The following GCC1 variants were observed in gnomAD, a reference collection of about 807,000 sequenced individuals.
The protein encoded by GCC1 is GRIP and coiled-coil domain containing 1.
A neutral mutation model predicts 62.5 loss-of-function variants in GCC1; 36 were observed. The ratio of observed to expected loss-of-function variants is 0.58; its 90% CI spans 0.44 to 0.76. The LOEUF is 0.76. Ranked by LOEUF, GCC1 falls within the 30% of genes least tolerant of loss-of-function variation. GCC1 has a pLI of 0.00. For synonymous variants in GCC1, 391 were observed against 386.8 expected, an observed-to-expected ratio of 1.01 and a Z score of -0.13; for missense variants, 885 against 948.3, an observed-to-expected ratio of 0.93 and a Z score of 0.88.
chr7:127,584,281 T>C lies in GCC1; in HGVS notation c.902A>G (p.Glu301Gly). Residue 301 changes from glutamate to glycine, a missense_variant, in exon 1 of 2, where the codon GAG becomes GGG. Coordinates refer to ENST00000321407, the MANE Select transcript of GCC1 (RefSeq NM_024523.6). The stretch of plus-strand genomic sequence containing the variant: ...AATGGCCTGCAGTTCACTTTTCAGC[T>C]CCTCCACCTCACGGGTCAGCTGCTT... ...QTKQLTREVE[E>G]LKSELQAIRD... is the part of the protein sequence containing the mutation. 6.2e-7 allele frequency: 1 copy of C among 1,613,508 alleles called. No individual in the cohort carries two copies. Among genetic ancestry groups the C allele is most frequent in the African/African-American group, 1.3e-5 (1 of 74,822 alleles).
At position 127,584,818 on chromosome 7, in the gene GCC1, G is replaced by A. The variant is rs35322201; in HGVS notation, c.365C>T (p.Ala122Val). ...GEFGVEDDRP[A>V]RGPPPPKSEE... is the part of the protein sequence containing the mutation. ...GGACTTTGGAGGTGGTGGTCCACGG[G>A]CCGGTCTGTCATCTTCTACCCCAAA... is the stretch of plus-strand genomic sequence containing the variant. Residue 122 changes from alanine (A) to valine (V), a missense_variant, in exon 1 of 2, where the codon GCC becomes GTC. Coordinates refer to ENST00000321407, the MANE Select transcript of GCC1 (RefSeq NM_024523.6). The A allele has an allele frequency of 0.024, 39,537 of 1,614,146 alleles. 583 individuals are homozygous for A. The highest frequency in any genetic ancestry group is 0.029 in the Non-Finnish European group (34,092 of 1,180,024).
Position 127,583,051 on chromosome 7 carries a change from C to T in GCC1, c.1291G>A (p.Val431Ile), listed in dbSNP as rs999001094. Reference sequence around the variant, plus strand: ...AGCTTCTCCATCTTATCTTTCAGGACATTGACATCCAGACTGGACTCCTCT... The same window carrying T: ...AGCTTCTCCATCTTATCTTTCAGGATATTGACATCCAGACTGGACTCCTCT... ...HGEESSLDVN[V>I]LKDKMEKLKR... Residue 431 changes from valine (V) to isoleucine (I), a missense_variant, in exon 2 of 2, where the codon GTC (valine) becomes ATC (isoleucine). Transcript: ENST00000321407. The T allele has an allele frequency of 3.7e-6, 6 of 1,614,042 alleles. No homozygotes were observed. In the African/African-American group the frequency reaches 8.0e-5, roughly 22 times the overall value.
In GCC1 at chr7:127,582,927, T is replaced by A. The variant is rs1794155728; in HGVS notation, c.1415A>T (p.Asp472Val). 2 of 1,614,166 alleles carry A rather than the reference T, an allele frequency of 1.2e-6. No homozygotes were observed. The highest frequency in any genetic ancestry group is 1.7e-6 in the Non-Finnish European group (2 of 1,180,024). Residue 472 changes from aspartate (D) to valine (V), a missense_variant, in exon 2 of 2, where the codon GAT (aspartate) becomes GTT (valine). Physicochemically the swap from Asp to Val is radical, Grantham distance 152. Coordinates refer to ENST00000321407, the MANE Select transcript of GCC1 (RefSeq NM_024523.6). The surrounding 1 kb of genome is among the most constrained non-coding windows in gnomAD (Gnocchi z 4.8). ...ATAGAGTGCAGTAGCCTTCTCCCCA[T>A]CAGCAGCCTCCGAGCTGGGCATTAT... ...LEIMPSSEAA[D>V]GEKATALYYQ... is the part of the protein sequence containing the mutation.
chr7:127,584,547 C>A lies in GCC1; in HGVS notation c.636G>T (p.Glu212Asp), dbSNP rs1179622556. The A allele has an allele frequency of 2.5e-6, 4 of 1,614,152 alleles. No individual in the cohort carries two copies. Among genetic ancestry groups the A allele is most frequent in the Non-Finnish European group, 1.7e-6 (2 of 1,180,036 alleles). The change falls in exon 1 of 2, where the codon GAG (glutamate) becomes GAT (aspartate). Residue 212 changes from glutamate to aspartate, a missense_variant. Glu to Asp is a conservative substitution (Grantham distance 45, BLOSUM62 2). Transcript: ENST00000321407. ...GCTCCTGCAGCCCCTTCAATTCTCC[C>A]TCCAGGCGGGCCCTCTCCTCCTCCG... Reference protein sequence around the residue: ...NKAEEERARLEGELKGLQEQI... With the variant: ...NKAEEERARLDGELKGLQEQI...
chr7:127,582,115 G>C lies in GCC1; in HGVS notation c.2227C>G (p.Leu743Val). Reference protein sequence around the residue: ...LPDSLGRQQTLTAILTILHFS... With the variant: ...LPDSLGRQQTVTAILTILHFS... ...TGCAAGATAGTCAGTATGGCTGTGAGAGTCTGCTGGCGGCCCAGGGAGTCA... is the reference window on the plus strand; with the variant it reads ...TGCAAGATAGTCAGTATGGCTGTGACAGTCTGCTGGCGGCCCAGGGAGTCA... Residue 743 changes from leucine to valine, a missense_variant, in exon 2 of 2, where the codon CTC becomes GTC. By Grantham distance (32) the Leu-to-Val change is conservative (BLOSUM62 1). Transcript: ENST00000321407. This position sits in a 1 kb window ranked among gnomAD's most constrained non-coding sequence, Gnocchi z 4.8. The C allele has an allele frequency of 6.2e-7, 1 of 1,614,212 alleles. No homozygotes were observed. The highest frequency in any genetic ancestry group is 8.5e-7 in the Non-Finnish European group (1 of 1,180,026).
In GCC1 at chr7:127,582,106, T is replaced by A. The variant is rs755003738; in HGVS notation, c.2236A>T (p.Ile746Leu). 1 of 1,614,222 alleles carries A rather than the reference T, an allele frequency of 6.2e-7. No individual in the cohort carries two copies. Residue 746 changes from isoleucine to leucine, a missense_variant, in exon 2 of 2, where the codon ATA (isoleucine) becomes TTA (leucine). Transcript: ENST00000321407. This position sits in a 1 kb window ranked among gnomAD's most constrained non-coding sequence, Gnocchi z 4.8. ...GGACTGAAGTGCAAGATAGTCAGTA[T>A]GGCTGTGAGAGTCTGCTGGCGGCCC... ...SLGRQQTLTA[I>L]LTILHFSPEE...
chr7:127,584,865 A>G lies in GCC1; in HGVS notation c.318T>C (p.Ser106=). ...CAAACTCACCCTTGGTGCTGGTGAG[A>G]CTGGCCGCAGTATCCAAGCTAGTGG... ...GTATSLDTAA[S]LTSTKGEFGV... is the part of the protein sequence containing the mutation. Residue 106 remains serine (S), a synonymous_variant, in exon 1 of 2, where the codon AGT becomes AGC. Transcript: ENST00000321407. The G allele has an allele frequency of 6.2e-7, 1 of 1,614,086 alleles. No individual in the cohort carries two copies. The highest frequency in any genetic ancestry group is 2.2e-5 in the East Asian group (1 of 44,872).
Position 127,584,232 on chromosome 7 carries a change from A to T in GCC1, c.951T>A (p.Asp317Glu), listed in dbSNP as rs3735642. 6.2e-7 allele frequency: 1 copy of T among 1,612,980 alleles called. No individual in the cohort carries two copies. The highest frequency in any genetic ancestry group is 8.5e-7 in the Non-Finnish European group (1 of 1,179,814). Residue 317 changes from aspartate (D) to glutamate (E), a missense_variant, in exon 1 of 2, where the codon GAT becomes GAA. Physicochemically the swap from Asp to Glu is conservative, Grantham distance 45 (BLOSUM62 2). Coordinates refer to ENST00000321407, the MANE Select transcript of GCC1 (RefSeq NM_024523.6). ...CTTCCTGAAGTTCTTGCAGCCGGGG[A>T]TCTGGCTGATTCTTCTCATCTCGAA... ...QAIRDEKNQPDPRLQELQEEA... is the reference protein window; with the variant it reads ...QAIRDEKNQPEPRLQELQEEA...
chr7:127,584,329 A>G lies in GCC1; in HGVS notation c.854T>C (p.Met285Thr). 1 of 1,613,316 alleles carries G rather than the reference A, an allele frequency of 6.2e-7. No individual in the cohort carries two copies. Among genetic ancestry groups the G allele is most frequent in the Non-Finnish European group, 8.5e-7 (1 of 1,179,834 alleles). Residue 285 changes from methionine to threonine, a missense_variant, in exon 1 of 2, where the codon ATG becomes ACG. Transcript: ENST00000321407. ...LAGRAYAAEQ[M>T]EGFELQTKQL... Reference sequence around the variant, plus strand: ...CTTGGTCTGCAGTTCAAATCCTTCCATCTGTTCAGCTGCATATGCTCGTCC... The same window carrying G: ...CTTGGTCTGCAGTTCAAATCCTTCCGTCTGTTCAGCTGCATATGCTCGTCC...
At position 127,584,783 on chromosome 7, in the gene GCC1, T is replaced by C; in HGVS notation, c.400A>G (p.Ser134Gly). 1 of 1,614,206 alleles carries C rather than the reference T, an allele frequency of 6.2e-7. No homozygotes were observed. The highest frequency in any genetic ancestry group is 2.2e-5 in the East Asian group (1 of 44,886). The change falls in exon 1 of 2, where the codon AGT (serine) becomes GGT (glycine). Residue 134 changes from serine (S) to glycine (G), a missense_variant. Ser to Gly is a moderately conservative substitution (Grantham distance 56). Transcript: ENST00000321407. ...GPPPPKSEEA[S>G]WSESGVSSSS... is the part of the protein sequence containing the mutation. ...CTGCTAACGCCACTCTCGGACCAAC[T>C]GGCCTCTTCGGACTTTGGAGGTGGT...
At position 127,584,188 on chromosome 7, in the gene GCC1, C is replaced by T. The variant is rs370808089; in HGVS notation, c.995G>A (p.Ser332Asn). 6 of 1,613,806 alleles carry T rather than the reference C, an allele frequency of 3.7e-6. No individual in the cohort carries two copies. In the African/African-American group the frequency reaches 8.0e-5, roughly 22 times the overall value. ...ELQEEAARLK[S>N]HFQAQLQQEM... ...CTGCTGTAACTGAGCCTGGAAATGGCTCTTAAGGCGGGCAGCCTCTTCCTG... is the reference window on the plus strand; with the variant it reads ...CTGCTGTAACTGAGCCTGGAAATGGTTCTTAAGGCGGGCAGCCTCTTCCTG... Residue 332 changes from serine (S) to asparagine (N), a missense_variant, in exon 1 of 2, where the codon AGC becomes AAC. Coordinates refer to ENST00000321407, the MANE Select transcript of GCC1 (RefSeq NM_024523.6).
chr7:127,582,129 C>T lies in GCC1; in HGVS notation c.2213G>A (p.Gly738Asp). ...YRFLTLPDSL[G>D]RQQTLTAILT... Reference sequence around the variant, plus strand: ...TATGGCTGTGAGAGTCTGCTGGCGGCCCAGGGAGTCAGGTAAGGTCAGGAA... The same window carrying T: ...TATGGCTGTGAGAGTCTGCTGGCGGTCCAGGGAGTCAGGTAAGGTCAGGAA... The change falls in exon 2 of 2, where the codon GGC (glycine) becomes GAC (aspartate). Residue 738 changes from glycine (G) to aspartate (D), a missense_variant. Physicochemically the swap from Gly to Asp is moderately conservative, Grantham distance 94 (BLOSUM62 -1). Coordinates refer to ENST00000321407, the MANE Select transcript of GCC1 (RefSeq NM_024523.6). This position sits in a 1 kb window ranked among gnomAD's most constrained non-coding sequence, Gnocchi z 4.8. The T allele has an allele frequency of 6.2e-7, 1 of 1,614,144 alleles. No homozygotes were observed. The highest frequency in any genetic ancestry group is 8.5e-7 in the Non-Finnish European group (1 of 1,180,028).
Position 127,582,170 on chromosome 7 carries a change from T to A in GCC1, c.2172A>T (p.Lys724Asn). The A allele has an allele frequency of 6.2e-7, 1 of 1,614,148 alleles. No individual in the cohort carries two copies. ...AGGTCAGGAAGCGGTAGATGATGTT[T>A]TTGAGGTACTCCAGATTGGCTCCCT... ...SREGANLEYL[K>N]NIIYRFLTLP... Residue 724 changes from lysine to asparagine, a missense_variant, in exon 2 of 2, where the codon AAA (lysine) becomes AAT (asparagine). By Grantham distance (94) the Lys-to-Asn change is moderately conservative (BLOSUM62 0). Coordinates refer to ENST00000321407, the MANE Select transcript of GCC1 (RefSeq NM_024523.6). This position sits in a 1 kb window ranked among gnomAD's most constrained non-coding sequence, Gnocchi z 4.8.
chr7:127,582,063 A>G lies in GCC1; in HGVS notation c.2279T>C (p.Ile760Thr). 6.2e-7 allele frequency: 1 copy of G among 1,614,206 alleles called. No individual in the cohort carries two copies. The highest frequency in any genetic ancestry group is 8.5e-7 in the Non-Finnish European group (1 of 1,180,034). Residue 760 changes from isoleucine (I) to threonine (T), a missense_variant, in exon 2 of 2, where the codon ATA becomes ACA. Physicochemically the swap from Ile to Thr is moderately conservative, Grantham distance 89. Coordinates refer to ENST00000321407, the MANE Select transcript of GCC1 (RefSeq NM_024523.6). This position sits in a 1 kb window ranked among gnomAD's most constrained non-coding sequence, Gnocchi z 4.8. ...LHFSPEEKQV[I>T]MRLPTSASWW... ...GCTGGCACTGGTTGGGAGTCGCATT[A>G]TCACTTGTTTCTCCTCTGGACTGAA...
At position 127,581,381 on chromosome 7, in the gene GCC1, G is replaced by T. The variant is rs975195120; in HGVS notation, c.*633C>A. ...TCCCTAAGATCAAGCTGGTGCTCAG[G>T]GCCCTCTCTAGGATGGTCATAAGCG... On this transcript the variant is annotated 3_prime_UTR_variant, in exon 2 of 2. Coordinates refer to ENST00000321407, the MANE Select transcript of GCC1 (RefSeq NM_024523.6). 1 of 152,254 alleles carries T rather than the reference G, an allele frequency of 6.6e-6. No homozygotes were observed. Among genetic ancestry groups the T allele is most frequent in the Non-Finnish European group, 1.5e-5 (1 of 68,140 alleles). The allele number at this position is 152,254 out of a possible 1,614,324, so 9.4% of individuals were successfully genotyped here. A position where few individuals can be genotyped will look rare whatever the true frequency, so the allele number is the denominator to read the frequency against.
chr7:127,583,453 A>C, intron 1 of GCC1, 144 bp from the exon 2 acceptor site: 1 of 639,494 alleles, frequency 1.6e-6, no homozygotes, highest in South Asian at 1.9e-5. Context: ...TTGATTCAGG[A>C]GCTAACAAAA....
At position 127,582,530 on chromosome 7, in the gene GCC1, C is replaced by T. The variant is rs767571267; in HGVS notation, c.1812G>A (p.Glu604=). 6.2e-7 allele frequency: 1 copy of T among 1,612,466 alleles called. No homozygotes were observed. Among genetic ancestry groups the T allele is most frequent in the Non-Finnish European group, 8.5e-7 (1 of 1,180,034 alleles). ...AGGCCAAGGCCACAGAACGCAGTTG[C>T]TCCAGTTCCAAGTCCTTCTCGGTGA... ...AVLTEKDLEL[E]QLRSVALASG... Residue 604 remains glutamate (E), a synonymous_variant, in exon 2 of 2, where the codon GAG becomes GAA. Coordinates refer to ENST00000321407, the MANE Select transcript of GCC1 (RefSeq NM_024523.6). The surrounding 1 kb of genome is among the most constrained non-coding windows in gnomAD (Gnocchi z 4.8).
In GCC1 at chr7:127,583,258, T is replaced by A; in HGVS notation, c.1084A>T (p.Arg362Trp). Residue 362 changes from arginine to tryptophan, a missense_variant, in exon 2 of 2, where the codon AGG (arginine) becomes TGG (tryptophan). Physicochemically the swap from Arg to Trp is moderately radical, Grantham distance 101. Transcript: ENST00000321407. The part of the protein sequence containing the change: ...LRQQSQVEEQ[R>W]VAALENQISE... ...ATTTGATTCTCCAGGGCTGCCACCC[T>A]CTGTTCTTCTACCTGAGATTGCTGA... 6.2e-7 allele frequency: 1 copy of A among 1,611,694 alleles called. No homozygotes were observed. The highest frequency in any genetic ancestry group is 8.5e-7 in the Non-Finnish European group (1 of 1,178,514).
In GCC1 at chr7:127,584,975, C is replaced by T. The variant is rs376972926; in HGVS notation, c.208G>A (p.Ala70Thr). 6 of 1,614,084 alleles carry T rather than the reference C, an allele frequency of 3.7e-6. No individual in the cohort carries two copies. Reference sequence around the variant, plus strand: ...GTGAGGCCTGGAAGCTGGACACCTGCGAGGCCCACATCTGCCTCGTGGGAT... The same window carrying T: ...GTGAGGCCTGGAAGCTGGACACCTGTGAGGCCCACATCTGCCTCGTGGGAT... Reference protein sequence around the residue: ...SVSHEADVGLAGVQLPGLTFP... With the variant: ...SVSHEADVGLTGVQLPGLTFP... Residue 70 changes from alanine (A) to threonine (T), a missense_variant, in exon 1 of 2, where the codon GCA becomes ACA. Transcript: ENST00000321407.
Sources: gnomAD v4.1 joint callset for allele counts on GRCh38, gnomAD v4.1.1 for gene constraint, Gnocchi (gnomAD v3.1) non-coding constraint, MANE v1.5 for transcripts, NCBI Gene and HGNC (gene_info 2026-07-23, HGNC 2026-07-21) for gene names.